Variants in CAST observed in about 807,000 individuals in gnomAD.
CAST encodes the protein MIR583 host.
CAST carries 76 observed loss-of-function variants against 119.6 expected under a neutral mutation model. The observed-to-expected ratio is 0.64, with a 90% CI of 0.53 to 0.77. The LOEUF is 0.77. CAST is among the 30% of genes least tolerant of loss of function. The probability of loss-of-function intolerance (pLI) is 0.00; values close to 1 mark genes in which losing one functional copy is unlikely to be tolerated. For missense variants in CAST, 953 were observed against 946.5 expected, an observed-to-expected ratio of 1.01 and a Z score of -0.09; for synonymous variants, 319 against 331.6, an observed-to-expected ratio of 0.96 and a Z score of 0.41.
At chr5:96,198,333 AT>A in the CAST span, among the ~76,000 whole-genome samples, 1 of 152,128 alleles carries the variant, frequency 6.6e-6, no homozygotes, top group African/African-American at 2.4e-5. Flanking sequence ...TAAAAGAAAT[AT>A]GCCCTTTCCC....
the CAST span, among the ~76,000 whole-genome samples, chr5:96,296,076 T>C: frequency 6.6e-6 from 1 of 152,220 alleles, no homozygotes; most frequent in Non-Finnish European, 1.5e-5. Flanking sequence ...ATTCCTAAAG[T>C]TTTGTGCAAA....
chr5:96,165,875 A>C, the CAST span, among the ~76,000 whole-genome samples: 1 of 152,256 alleles, frequency 6.6e-6, no homozygotes, highest in African/African-American at 2.4e-5. Context: ...ATATTTACTA[A>C]GGTTTCTTCT....
intron 1 of CAST, among the ~76,000 whole-genome samples, chr5:96,630,027 G>T (rs2150201603): frequency 6.6e-6 from 1 of 152,300 alleles, no homozygotes; most frequent in Middle Eastern, 3.4e-3. Flanking sequence ...AACCTGAGAA[G>T]GCTTGAGATA....
intron 1 of CAST, among the ~76,000 whole-genome samples, chr5:96,629,199 G>A (rs1747776298): frequency 6.6e-6 from 1 of 152,204 alleles, no homozygotes; most frequent in African/African-American, 2.4e-5. Flanking sequence ...TATAAAGCGA[G>A]TCCAGCCTCT....
the CAST span, among the ~76,000 whole-genome samples, chr5:96,005,929 T>C: frequency 4.3e-3 from 659 of 152,290 alleles, 8 homozygotes; most frequent in African/African-American, 0.015. Context: ...AGTTTTATTT[T>C]TGATTTTCAA....
the CAST span, among the ~76,000 whole-genome samples, chr5:96,276,478 T>C: frequency 6.6e-6 from 1 of 152,180 alleles, no homozygotes; most frequent in South Asian, 2.1e-4. Flanking sequence ...CAAAATGTTA[T>C]TACCTTTCAC....
At chr5:96,306,026 C>T in the CAST span, among the ~76,000 whole-genome samples, 1 of 151,674 alleles carries the variant, frequency 6.6e-6, no homozygotes, top group Non-Finnish European at 1.5e-5. Context: ...TCTGAAGTAC[C>T]AGCTCCTCCT....
the CAST span, among the ~76,000 whole-genome samples, chr5:96,505,903 C>T: frequency 1.3e-5 from 2 of 152,194 alleles, no homozygotes; most frequent in Non-Finnish European, 2.9e-5. Context: ...ATTTCCCTGA[C>T]CTTGGAGTAC....
chr5:96,403,775 T>G, the CAST span, among the ~76,000 whole-genome samples: 1 of 152,214 alleles, frequency 6.6e-6, no homozygotes, highest in Non-Finnish European at 1.5e-5. Context: ...GCCTAGATCT[T>G]AAAATTTTTC....
the CAST span, among the ~76,000 whole-genome samples, chr5:96,351,204 T>C: frequency 2.6e-5 from 4 of 152,122 alleles, no homozygotes; most frequent in African/African-American, 7.2e-5. Flanking sequence ...AACTCTGTAG[T>C]TGAGTGTGTA....
At chr5:96,442,094 A>G in the CAST span, among the ~76,000 whole-genome samples, 1 of 152,228 alleles carries the variant, frequency 6.6e-6, no homozygotes, top group Non-Finnish European at 1.5e-5. Context: ...GTTTGCATAG[A>G]TAATCTCACA....
At chr5:96,047,813 A>G in the CAST span, among the ~76,000 whole-genome samples, 2 of 152,182 alleles carry the variant, frequency 1.3e-5, no homozygotes, top group Admixed American at 6.5e-5. Flanking sequence ...CAAGTGTGAC[A>G]AGCACTGTGG....
Position 96,682,848 on chromosome 5 carries a change from C to A in CAST, c.138+7247C>A, listed in dbSNP as rs76193731. 9.4e-3 allele frequency among the ~76,000 whole-genome samples: 1,424 copies of A among 152,234 alleles called. 27 individuals are homozygous for A. The highest frequency in any genetic ancestry group is 0.032 in the African/African-American group (1,328 of 41,536). On this transcript the variant is annotated intron_variant, in intron 2 of 31. Coordinates refer to ENST00000675179, the MANE Select transcript of CAST (RefSeq NM_001750.7). Reference sequence around the variant, plus strand: ...ATGAAATGAGATGCAGGGAATAACTCCATTTTTTAGCAAGGATTGCTAATG... The same window carrying A: ...ATGAAATGAGATGCAGGGAATAACTACATTTTTTAGCAAGGATTGCTAATG...
At chr5:96,303,763 T>C in the CAST span, among the ~76,000 whole-genome samples, 15 of 152,134 alleles carry the variant, frequency 9.9e-5, no homozygotes, top group Non-Finnish European at 5.9e-5. Flanking sequence ...TCCATATCCT[T>C]GAAAAAGACA....
the CAST span, among the ~76,000 whole-genome samples, chr5:96,202,569 A>G: frequency 6.6e-6 from 1 of 152,278 alleles, no homozygotes; most frequent in Non-Finnish European, 1.5e-5. Flanking sequence ...AATACAAATT[A>G]GCAAAACAAA....
chr5:96,321,946 A>G, the CAST span, among the ~76,000 whole-genome samples: 1 of 152,338 alleles, frequency 6.6e-6, no homozygotes, highest in East Asian at 1.9e-4. Context: ...CACAAACCCA[A>G]CAAGAGCTTT....
chr5:96,702,877 A>G, intron 3 of CAST: 1 of 985,482 alleles, frequency 1.0e-6, no homozygotes, highest in Non-Finnish European at 1.2e-6. Context: ...ACCTCCTGAA[A>G]ACCAAGCCGA....
At chr5:96,238,094 G>A in the CAST span, among the ~76,000 whole-genome samples, 5 of 151,958 alleles carry the variant, frequency 3.3e-5, no homozygotes, top group African/African-American at 1.2e-4. Flanking sequence ...CAGAAAAATA[G>A]AAACAAGAAA....
chr5:96,533,859 G>T (rs1745735829), intron 1 of CAST, among the ~76,000 whole-genome samples: 2 of 152,278 alleles, frequency 1.3e-5, no homozygotes, highest in South Asian at 4.1e-4. Flanking sequence ...TGTTTGAGTT[G>T]TGAGCTGAAT....
Sources: gnomAD v4.1 joint callset for allele counts (sites outside exome capture counted in the v4.1 genomes callset) on GRCh38, gnomAD v4.1.1 for gene constraint, MANE v1.5 for transcripts, NCBI Gene and HGNC (gene_info 2026-07-23, HGNC 2026-07-21) for gene names.